The following DDX23 variants were observed in gnomAD, a reference collection of about 807,000 sequenced individuals.
DDX23 encodes the protein DEAD-box helicase 23.
A neutral mutation model predicts 102.7 loss-of-function variants in DDX23; 33 were observed. That is an observed-to-expected ratio of 0.32 (90% CI 0.24 to 0.43). DDX23 has a LOEUF of 0.43. Among genes scored for constraint, DDX23 ranks in the 20% least tolerant of loss-of-function variants. DDX23 has a pLI of 1.00. For synonymous variants in DDX23, 352 were observed against 376.0 expected (o/e 0.94, Z 0.74); for missense variants, 549 against 1,086.6 (o/e 0.51, Z 6.96).
At chr12:48,845,939 T>C (rs1443841727) in intron 1 of DDX23, among the ~76,000 whole-genome samples, 157 bp from the exon 2 acceptor site, 4 of 152,244 alleles carry the variant, frequency 2.6e-5, no homozygotes, top group African/African-American at 9.6e-5. Flanking sequence ...TAAAGGAACT[T>C]GTCTGAGGGC....
intron 3 of DDX23, 94 bp downstream of exon 3, chr12:48,843,846 C>A: frequency 7.1e-7 from 1 of 1,410,760 alleles, no homozygotes; most frequent in Non-Finnish European, 1.0e-6. Flanking sequence ...CCACGCCTGG[C>A]GAGAAATCTA....
Position 48,830,308 on chromosome 12 carries a change from C to T in DDX23, c.*161G>A, listed in dbSNP as rs1165814874. On this transcript the variant is annotated 3_prime_UTR_variant, in exon 17 of 17. Coordinates refer to ENST00000308025, the MANE Select transcript of DDX23 (RefSeq NM_004818.3). The surrounding 1 kb of genome is among the most constrained non-coding windows in gnomAD (Gnocchi z 4.9). Reference sequence around the variant, plus strand: ...CGTCCTCTCCTTTTGCAGCCCCACACGCAGGCCTCCTGACCTGAGGGTCTG... The same window carrying T: ...CGTCCTCTCCTTTTGCAGCCCCACATGCAGGCCTCCTGACCTGAGGGTCTG... 1.0e-5 allele frequency: 9 copies of T among 877,268 alleles called. No homozygotes were observed. Among genetic ancestry groups the T allele is most frequent in the Middle Eastern group, 4.2e-4 (2 of 4,726 alleles). The allele number at this position is 877,268 out of a possible 1,614,324, so 54.3% of individuals were successfully genotyped here. A position where few individuals can be genotyped will look rare whatever the true frequency, so the allele number is the denominator to read the frequency against.
chr12:48,835,952 G>A (rs1938463404), intron 11 of DDX23, among the ~76,000 whole-genome samples, 169 bp downstream of exon 11: 2 of 152,100 alleles, frequency 1.3e-5, no homozygotes, highest in African/African-American at 4.8e-5. Flanking sequence ...GTCTTTGCCA[G>A]CAACATATAC....
chr12:48,843,311 C>A (rs1180115022), intron 3 of DDX23, among the ~76,000 whole-genome samples: 1 of 149,160 alleles, frequency 6.7e-6, no homozygotes, highest in Admixed American at 6.7e-5. Context: ...AAAAAAAACC[C>A]AAAAAAAACA....
chr12:48,849,570 A>C (rs2137499055), intron 1 of DDX23, among the ~76,000 whole-genome samples: 1 of 152,130 alleles, frequency 6.6e-6, no homozygotes, highest in East Asian at 1.9e-4. Context: ...GCTGAGGCAG[A>C]ACTGCTTGAA....
intron 1 of DDX23, among the ~76,000 whole-genome samples, chr12:48,851,085 G>GT (rs1592206866): frequency 6.6e-6 from 1 of 152,080 alleles, no homozygotes; most frequent in East Asian, 1.9e-4. Context: ...ACTCAATGAC[G>GT]TATTTAACAA....
chr12:48,842,383 C>T (rs1272751245), intron 3 of DDX23, among the ~76,000 whole-genome samples: 2 of 144,952 alleles, frequency 1.4e-5, no homozygotes, highest in African/African-American at 5.1e-5. Context: ...TCAGCCGCCC[C>T]GTCCGGGAAG....
chr12:48,832,703 C>T lies in DDX23; in HGVS notation c.1804-130G>A, dbSNP rs1225723171. 25 of 1,177,930 alleles carry T rather than the reference C, an allele frequency of 2.1e-5. No individual in the cohort carries two copies. Among genetic ancestry groups the T allele is most frequent in the Non-Finnish European group, 2.8e-5 (24 of 866,126 alleles). The allele number at this position is 1,177,930 out of a possible 1,614,324, so 73.0% of individuals were successfully genotyped here. On this transcript the variant is annotated intron_variant, in intron 13 of 16. Coordinates refer to ENST00000308025, the MANE Select transcript of DDX23 (RefSeq NM_004818.3). This position sits in a 1 kb window ranked among gnomAD's most constrained non-coding sequence, Gnocchi z 4.4. ...CAGTATAGGCTTTGATAGCCACCACCTTAGAAAATAGTGTCCTCTGAATTC... is the reference window on the plus strand; with the variant it reads ...CAGTATAGGCTTTGATAGCCACCACTTTAGAAAATAGTGTCCTCTGAATTC...
rs775850913 is a variant in DDX23 at position 48,831,221 on chromosome 12, A to G, written c.2160T>C (p.Ala720=). ...LKAGAKDILV[A]TDVAGRGIDI... ...CAATACCACGACCAGCCACATCTGT[A>G]GCCACCAAAATATCCTTGGCCCCAG... Residue 720 remains alanine, a synonymous_variant, in exon 16 of 17, where the codon GCT becomes GCC. Transcript: ENST00000308025. 6.2e-7 allele frequency: 1 copy of G among 1,614,246 alleles called. No homozygotes were observed. The highest frequency in any genetic ancestry group is 8.5e-7 in the Non-Finnish European group (1 of 1,180,046).
chr12:48,846,995 T>C (rs1419041461), intron 1 of DDX23, among the ~76,000 whole-genome samples: 2 of 152,238 alleles, frequency 1.3e-5, no homozygotes, highest in African/African-American at 2.4e-5. Context: ...TCGCAACTTA[T>C]TTTATCCCCA....
intron 1 of DDX23, among the ~76,000 whole-genome samples, chr12:48,849,052 A>G (rs1257080119): frequency 6.6e-6 from 1 of 151,840 alleles, no homozygotes; most frequent in Non-Finnish European, 1.5e-5. Flanking sequence ...GCCCGGCCCC[A>G]ACTAATTCTT....
intron 5 of DDX23, among the ~76,000 whole-genome samples, chr12:48,838,376 C>A (rs140566321): frequency 0.01 from 1,581 of 152,106 alleles, 37 homozygotes; most frequent in African/African-American, 0.035. Flanking sequence ...CATAGCAGAC[C>A]TTGTTTCTAC....
chr12:48,830,645 C>T lies in DDX23; in HGVS notation c.2287G>A (p.Val763Met), dbSNP rs757108543. Residue 763 changes from valine to methionine, a missense_variant, in exon 17 of 17, where the codon GTG becomes ATG. Transcript: ENST00000308025. The surrounding 1 kb of genome is among the most constrained non-coding windows in gnomAD (Gnocchi z 4.9). The stretch of plus-strand genomic sequence containing the variant: ...TCTTTTGTGAGGAAGGTGATGGCCA[C>T]CCCACTCTTGCCTGCTCGTCCCGTG... ...GRTGRAGKSG[V>M]AITFLTKEDS... 2 of 1,613,974 alleles carry T rather than the reference C, an allele frequency of 1.2e-6. 1 individual carries two copies. Among genetic ancestry groups the T allele is most frequent in the South Asian group, 2.2e-5 (2 of 91,068 alleles).
chr12:48,849,697 G>A (rs1481256868), intron 1 of DDX23, among the ~76,000 whole-genome samples: 2 of 152,136 alleles, frequency 1.3e-5, no homozygotes, highest in South Asian at 2.1e-4. Context: ...AGGTGTGGTG[G>A]TTCACACTTG....
At position 48,838,056 on chromosome 12, in the gene DDX23, G is replaced by A. The variant is rs778860835; in HGVS notation, c.505C>T (p.Arg169Ter). The A allele has an allele frequency of 1.9e-6, 3 of 1,614,154 alleles. No individual in the cohort carries two copies. The highest frequency in any genetic ancestry group is 2.5e-6 in the Non-Finnish European group (3 of 1,180,040). Residue 169 changes from arginine (R) to a stop codon, truncating the protein, a stop_gained, in exon 6 of 17, where the codon CGA becomes TGA. Coordinates refer to ENST00000308025, the MANE Select transcript of DDX23 (RefSeq NM_004818.3). LOFTEE classifies it high-confidence loss of function. The stretch of plus-strand genomic sequence containing the variant: ...CGTCGCTTTAGAGCTTCAGCCTCTC[G>A]TTCTGCTTTAGAGAGGAACTTGGGC... ...AKPKFLSKAEREAEALKRRQQ... is the reference protein window; with the variant it reads ...AKPKFLSKAE
intron 1 of DDX23, among the ~76,000 whole-genome samples, chr12:48,847,512 CAAAAAA>C (rs992632357): frequency 2.7e-5 from 3 of 110,108 alleles, no homozygotes; most frequent in African/African-American, 7.0e-5. Context: ...TGATCCGTTT[CAAAAAA>C]AAAAAAAAAG....
intron 1 of DDX23, 46 bp from the exon 2 acceptor site, chr12:48,845,828 T>C (rs1938658383): frequency 6.3e-7 from 1 of 1,580,878 alleles, no homozygotes; most frequent in Admixed American, 1.8e-5. Context: ...GGCACTGCTC[T>C]AAACTGCTTA....
At chr12:48,849,785 C>T (rs1938729182) in intron 1 of DDX23, among the ~76,000 whole-genome samples, 1 of 152,152 alleles carries the variant, frequency 6.6e-6, no homozygotes, top group Admixed American at 6.5e-5. Context: ...AGGCAGAGGC[C>T]TGGGAGGAAA....
intron 3 of DDX23, among the ~76,000 whole-genome samples, chr12:48,842,498 G>T (rs1405900998): frequency 2.9e-5 from 4 of 138,138 alleles, no homozygotes; most frequent in Non-Finnish European, 6.3e-5. Context: ...GGAGGAAGGT[G>T]GGGGGGTCAG....
Sources: allele counts gnomAD v4.1 joint callset (sites outside exome capture counted in the v4.1 genomes callset), GRCh38; gene constraint gnomAD v4.1.1; non-coding constraint Gnocchi (gnomAD v3.1); transcripts MANE v1.5; gene names NCBI Gene and HGNC (gene_info 2026-07-23, HGNC 2026-07-21).